Variants in SUMF1 observed in about 807,000 individuals in gnomAD.
SUMF1 encodes the protein sulfatase modifying factor 1.
In SUMF1, 48 loss-of-function variants were observed where a neutral mutation model predicts 47.6. That is an observed-to-expected ratio of 1.01 (90% CI 0.80 to 1.28). SUMF1 has a LOEUF of 1.28. SUMF1 is among the 50% of genes most tolerant of loss of function. The pLI is 0.00. For missense variants in SUMF1, 571 were observed against 485.4 expected (o/e 1.18, Z -1.66); for synonymous variants, 230 against 192.1 (o/e 1.20, Z -1.63).
chr3:4,090,738 TACAACC>T (rs1276888790), intron 8 of SUMF1, among the ~76,000 whole-genome samples: 2 of 152,142 alleles, frequency 1.3e-5, no homozygotes, highest in African/African-American at 4.8e-5. Flanking sequence ...CTGCCATTAC[TACAACC>T]ACTGTCACTC....
At chr3:4,253,620 G>A (rs1455690454) in intron 8 of SUMF1, among the ~76,000 whole-genome samples, 1 of 151,748 alleles carries the variant, frequency 6.6e-6, no homozygotes, top group Non-Finnish European at 1.5e-5. Context: ...TACGCCCAAG[G>A]AATCTCGCTG....
chr3:4,457,071 TATACGTGTGTGTATATATATATA>T (rs2079676677), intron 1 of SUMF1, among the ~76,000 whole-genome samples: 1 of 123,962 alleles, frequency 8.1e-6, no homozygotes, highest in Non-Finnish European at 2.0e-5. Flanking sequence ...TATATATATA[TATACGTGTGTGTATATATATATA>T]TTTTTTTTGT....
chr3:4,280,816 TG>T (rs1697513389), intron 8 of SUMF1, among the ~76,000 whole-genome samples: 1 of 3,948 alleles, frequency 2.5e-4, no homozygotes, highest in Non-Finnish European at 6.1e-4. Context: ...GCATTCACCG[TG>T]TGTGTGTGTG....
At chr3:4,217,336 G>A (rs1432537107) in intron 8 of SUMF1, among the ~76,000 whole-genome samples, 6 of 149,090 alleles carry the variant, frequency 4.0e-5, no homozygotes, top group African/African-American at 5.0e-5. Context: ...GACATAGGGA[G>A]GGGAACATCA....
At chr3:4,422,069 A>T (rs17756774) in intron 3 of SUMF1, among the ~76,000 whole-genome samples, 2,712 of 152,342 alleles carry the variant, frequency 0.018, 27 homozygotes, top group African/African-American at 0.024. Flanking sequence ...AGAAGGCATT[A>T]GGTCCTTAAA....
chr3:4,071,718 G>A (rs979969695), intron 8 of SUMF1, among the ~76,000 whole-genome samples: 11 of 152,224 alleles, frequency 7.2e-5, no homozygotes, highest in African/African-American at 2.4e-4. Flanking sequence ...GCCCACCACA[G>A]CTCAGCAAGG....
At chr3:4,326,482 G>A (rs1698947078) in intron 8 of SUMF1, among the ~76,000 whole-genome samples, 1 of 148,434 alleles carries the variant, frequency 6.7e-6, no homozygotes, top group Admixed American at 6.7e-5. Context: ...ACCCTATAAA[G>A]GAATTTCATA....
At chr3:4,233,103 G>T (rs1415937272) in intron 8 of SUMF1, among the ~76,000 whole-genome samples, 1 of 152,098 alleles carries the variant, frequency 6.6e-6, no homozygotes, top group African/African-American at 2.4e-5. Context: ...CAAATGATCT[G>T]GACTTAGGAA....
chr3:4,452,730 T>C (rs1703013418), intron 2 of SUMF1, 146 bp downstream of exon 2: 1 of 1,041,600 alleles, frequency 9.6e-7, no homozygotes, highest in African/African-American at 1.6e-5. Flanking sequence ...TGTGAGAAAT[T>C]AAGATGAAAT....
intron 8 of SUMF1, among the ~76,000 whole-genome samples, chr3:4,225,060 C>G (rs1214083203): frequency 1.3e-5 from 2 of 152,042 alleles, no homozygotes; most frequent in Non-Finnish European, 2.9e-5. Context: ...CAAGAAGTGG[C>G]CATGTACCAA....
intron 3 of SUMF1, among the ~76,000 whole-genome samples, chr3:4,443,472 A>G (rs1017969164): frequency 2.6e-5 from 4 of 152,108 alleles, no homozygotes; most frequent in African/African-American, 9.7e-5. Flanking sequence ...AAATTAAAAT[A>G]AAAAGAAGAG....
intron 8 of SUMF1, among the ~76,000 whole-genome samples, chr3:4,257,420 A>T (rs62259761): frequency 0.09 from 5,797 of 64,214 alleles, no homozygotes; most frequent in Admixed American, 0.12. Context: ...AAGTCTCAGG[A>T]TACAAAATCA....
At chr3:4,389,469 C>T (rs1161807253) in intron 7 of SUMF1, among the ~76,000 whole-genome samples, 1 of 151,920 alleles carries the variant, frequency 6.6e-6, no homozygotes, top group Non-Finnish European at 1.5e-5. Flanking sequence ...TTGGGGTTTG[C>T]TTAGCTCCTT....
intron 8 of SUMF1, among the ~76,000 whole-genome samples, chr3:4,138,129 G>C (rs1407085205): frequency 6.6e-6 from 1 of 152,030 alleles, no homozygotes; most frequent in Admixed American, 6.6e-5. Context: ...CGATGAACAT[G>C]GTAGAAATAA....
intron 8 of SUMF1, among the ~76,000 whole-genome samples, chr3:4,312,377 C>A (rs1008709457): frequency 2.6e-5 from 4 of 152,030 alleles, no homozygotes; most frequent in African/African-American, 9.7e-5. Flanking sequence ...AGTTACAAAG[C>A]TTTCTATTTC....
rs1307980412 is a variant in SUMF1, at chr3:4,186,262, G to A, written c.1015-117517C>T. 2.6e-5 allele frequency among the ~76,000 whole-genome samples: 4 copies of A among 152,178 alleles called. No homozygotes were observed. The East Asian group carries it at 7.7e-4, about 29-fold the overall frequency. Reference sequence around the variant, plus strand: ...ACAAGAAGAGAATCAGAACCTGAAGGCCAACACCCCCAAATTGGGCATAAT... The same window carrying A: ...ACAAGAAGAGAATCAGAACCTGAAGACCAACACCCCCAAATTGGGCATAAT... On this transcript the variant is annotated intron_variant and NMD_transcript_variant, in intron 8 of 12. Transcript: ENST00000448413.
intron 7 of SUMF1, among the ~76,000 whole-genome samples, chr3:4,409,143 C>G (rs1424688622): frequency 6.6e-6 from 1 of 152,012 alleles, no homozygotes; most frequent in African/African-American, 2.4e-5. Flanking sequence ...GCAGGGAGCC[C>G]TCTGGGAGGC....
chr3:4,057,948 GT>G (rs1447468934), intron 9 of SUMF1, among the ~76,000 whole-genome samples: 1 of 152,118 alleles, frequency 6.6e-6, no homozygotes, highest in Non-Finnish European at 1.5e-5. Context: ...GAGATTCAAG[GT>G]GTTGAGAAAG....
chr3:4,445,668 G>A (rs968308018), intron 3 of SUMF1, among the ~76,000 whole-genome samples: 1 of 152,132 alleles, frequency 6.6e-6, no homozygotes. Context: ...AAATCCATGA[G>A]TTCATGAAGA....
Sources: gnomAD v4.1 joint callset for allele counts (sites outside exome capture counted in the v4.1 genomes callset) on GRCh38, gnomAD v4.1.1 for gene constraint, MANE v1.5 for transcripts, NCBI Gene and HGNC (gene_info 2026-07-23, HGNC 2026-07-21) for gene names.